Variants in NAALADL2 observed in about 807,000 individuals in gnomAD.
The protein encoded by NAALADL2 is inactive N-acetylated-alpha-linked acidic dipeptidase-like protein 2.
A neutral mutation model predicts 87.2 loss-of-function variants in NAALADL2; 76 were observed. The observed-to-expected ratio is 0.87, with a 90% CI of 0.72 to 1.05. NAALADL2 has a LOEUF of 1.05. NAALADL2 is among the 50% of genes least tolerant of loss of function. The pLI is 0.00. For missense variants in NAALADL2, 1,089 were observed against 945.8 expected (o/e 1.15, Z -1.99); for synonymous variants, 354 against 331.0 (o/e 1.07, Z -0.75).
chr3:174,856,359 C>T (rs578072914), upstream of NAALADL2, among the ~76,000 whole-genome samples: 1 of 152,174 alleles, frequency 6.6e-6, no homozygotes, highest in East Asian at 1.9e-4. Context: ...TTTTCCTTTC[C>T]ACAATTTGTT....
intron 6 of NAALADL2, among the ~76,000 whole-genome samples, chr3:175,450,970 C>T (rs971267428): frequency 4.0e-5 from 6 of 151,768 alleles, no homozygotes; most frequent in Non-Finnish European, 5.9e-5. Flanking sequence ...ATAAAGTCAA[C>T]ATAGGAAGGG....
At chr3:175,288,817 C>T (rs1185742715) in intron 4 of NAALADL2, among the ~76,000 whole-genome samples, 2 of 152,138 alleles carry the variant, frequency 1.3e-5, no homozygotes, top group Non-Finnish European at 2.9e-5. Flanking sequence ...CTATGCTTGC[C>T]AAACTATATC....
chr3:175,542,845 A>T (rs1187757032), intron 9 of NAALADL2, among the ~76,000 whole-genome samples: 1 of 152,212 alleles, frequency 6.6e-6, no homozygotes, highest in East Asian at 1.9e-4. Context: ...TGTGACCTTG[A>T]AGTGCCTTCA....
intron 10 of NAALADL2, 89 bp from the exon 11 acceptor site, chr3:175,627,202 C>G (rs915470834): frequency 3.9e-6 from 4 of 1,027,372 alleles, no homozygotes; most frequent in Non-Finnish European, 5.8e-6. Flanking sequence ...AATTTAGAGT[C>G]CTTTTTAATC....
chr3:174,457,705 TCTC>T (rs1210251800), intron 1 of NAALADL2, among the ~76,000 whole-genome samples: 1 of 152,034 alleles, frequency 6.6e-6, no homozygotes, highest in Admixed American at 6.6e-5. Flanking sequence ...GCACCTGTAA[TCTC>T]AGCTACTCAG....
intron 3 of NAALADL2, among the ~76,000 whole-genome samples, chr3:174,807,565 G>A (rs185129402): frequency 2.0e-5 from 3 of 151,996 alleles, no homozygotes; most frequent in African/African-American, 7.2e-5. Context: ...AATAGCTTCA[G>A]CACGTCTTCC....
chr3:175,445,554 T>C (rs1382197702), intron 5 of NAALADL2, among the ~76,000 whole-genome samples: 1 of 152,200 alleles, frequency 6.6e-6, no homozygotes, highest in Non-Finnish European at 1.5e-5. Context: ...ACTTACCACT[T>C]TGAGAGATAG....
At chr3:175,619,662 TTCTAC>T (rs1369615407) in intron 10 of NAALADL2, among the ~76,000 whole-genome samples, 1 of 152,030 alleles carries the variant, frequency 6.6e-6, no homozygotes, top group Non-Finnish European at 1.5e-5. Flanking sequence ...CAAGTGCACA[TTCTAC>T]TCAGTTATAT....
At chr3:175,483,310 T>A (rs1024107403) in intron 9 of NAALADL2, among the ~76,000 whole-genome samples, 2 of 149,970 alleles carry the variant, frequency 1.3e-5, no homozygotes, top group African/African-American at 4.9e-5. Flanking sequence ...TAATTGCAAT[T>A]GACTTTACTT....
chr3:175,029,049 T>TTATATATATATATATATATATA (rs57707474), intron 1 of NAALADL2, among the ~76,000 whole-genome samples: 5 of 141,332 alleles, frequency 3.5e-5, no homozygotes, highest in Non-Finnish European at 7.6e-5. Flanking sequence ...TATATTAAAA[T>TTATATATATATATATATATATA]TATATATATA....
chr3:175,558,905 TG>T (rs1416783875), intron 9 of NAALADL2, among the ~76,000 whole-genome samples: 2 of 152,170 alleles, frequency 1.3e-5, no homozygotes, highest in Non-Finnish European at 2.9e-5. Context: ...TTGGCTATTC[TG>T]GGTCTTTTGT....
chr3:175,163,673 AT>A (rs1398269191), intron 2 of NAALADL2, among the ~76,000 whole-genome samples: 1 of 152,068 alleles, frequency 6.6e-6, no homozygotes, highest in African/African-American at 2.4e-5. Context: ...TAGTCCTAAT[AT>A]TTTTTCACTT....
intron 2 of NAALADL2, among the ~76,000 whole-genome samples, chr3:175,134,723 G>A (rs1728836531): frequency 6.6e-6 from 1 of 152,004 alleles, no homozygotes. Flanking sequence ...TACTGAGCAG[G>A]GAATAACTTA....
intron 5 of NAALADL2, among the ~76,000 whole-genome samples, chr3:175,424,514 G>A (rs1384891812): frequency 6.6e-6 from 1 of 152,140 alleles, no homozygotes; most frequent in Non-Finnish European, 1.5e-5. Context: ...ATTAAATAGA[G>A]AATCCTTTCC....
At chr3:175,168,095 G>A (rs998713919) in intron 2 of NAALADL2, among the ~76,000 whole-genome samples, 3 of 151,782 alleles carry the variant, frequency 2.0e-5, no homozygotes, top group Non-Finnish European at 4.4e-5. Flanking sequence ...GTATATGTGG[G>A]GGAAACAAGG....
chr3:174,930,917 C>A (rs1255537811), intron 1 of NAALADL2, among the ~76,000 whole-genome samples: 1 of 151,818 alleles, frequency 6.6e-6, no homozygotes, highest in Non-Finnish European at 1.5e-5. Context: ...CCACCACGCC[C>A]GGCCAAGATG....
intron 2 of NAALADL2, among the ~76,000 whole-genome samples, chr3:174,726,527 T>C (rs1732202480): frequency 6.6e-6 from 1 of 152,116 alleles, no homozygotes; most frequent in Non-Finnish European, 1.5e-5. Context: ...CTCCTTTAAA[T>C]TTTTTTGCCC....
Position 175,735,701 on chromosome 3 carries a change from C to T in NAALADL2, c.1897-1605C>T, listed in dbSNP as rs144254717. On this transcript the variant is annotated intron_variant, in intron 11 of 13. Transcript: ENST00000454872. ...ATGAGAACAGCATGGGAAAGACATGCCCCCATGATTCAGTCATCTATTACC... is the reference window on the plus strand; with the variant it reads ...ATGAGAACAGCATGGGAAAGACATGTCCCCATGATTCAGTCATCTATTACC... 4.8e-4 allele frequency among the ~76,000 whole-genome samples: 73 copies of T among 152,210 alleles called. 1 individual carries two copies. The East Asian group carries it at 0.011, about 22-fold the overall frequency.
rs558669392 is a variant in NAALADL2, at chr3:175,758,164, A to C, written c.2189+2746A>C. Among the ~76,000 whole-genome samples, 4 of 152,104 alleles carry C rather than the reference A, an allele frequency of 2.6e-5. No individual in the cohort carries two copies. In the East Asian group the frequency reaches 7.7e-4, roughly 29 times the overall value. Reference sequence around the variant, plus strand: ...CTGCCCCTGAGTTAAAAATGATTAAACACATCATTTTATTCATGCTAGTAA... The same window carrying C: ...CTGCCCCTGAGTTAAAAATGATTAACCACATCATTTTATTCATGCTAGTAA... On this transcript the variant is annotated intron_variant, in intron 13 of 13. Coordinates refer to ENST00000454872, the MANE Select transcript of NAALADL2 (RefSeq NM_207015.3).
Sources: allele counts gnomAD v4.1 joint callset (sites outside exome capture counted in the v4.1 genomes callset), GRCh38; gene constraint gnomAD v4.1.1; transcripts MANE v1.5; gene names NCBI Gene and HGNC (gene_info 2026-07-23, HGNC 2026-07-21).